Variants in DNAI7 observed in about 807,000 individuals in gnomAD.
The protein encoded by DNAI7 is dynein axonemal intermediate chain 7, also known as cancer susceptibility 1.
A neutral mutation model predicts 86.6 loss-of-function variants in DNAI7; 78 were observed. The observed-to-expected ratio is 0.90, with a 90% confidence interval of 0.75 to 1.09. The LOEUF is 1.09. Among genes scored for constraint, DNAI7 ranks in the 50% least tolerant of loss-of-function variants. The pLI, the probability that DNAI7 is intolerant of heterozygous loss-of-function variation, is 0.00. For synonymous variants in DNAI7, 274 were observed against 273.0 expected (o/e 1.00, Z -0.04); for missense variants, 753 against 810.2 (o/e 0.93, Z 0.86).
chr12:25,150,572 C>T (rs940615025), intron 6 of DNAI7, among the ~76,000 whole-genome samples: 2 of 137,498 alleles, frequency 1.5e-5, no homozygotes, highest in East Asian at 2.1e-4. Flanking sequence ...CCACTGCACT[C>T]CAGCCTGGGA....
chr12:25,190,708 G>A (rs1386263830), intron 1 of DNAI7, 77 bp from the exon 2 acceptor site: 3 of 782,306 alleles, frequency 3.8e-6, no homozygotes, highest in Non-Finnish European at 5.9e-6. Context: ...TATGTAAGAT[G>A]TTAAAATTAG....
chr12:25,119,249 T>G lies in DNAI7; in HGVS notation c.1292A>C (p.Glu431Ala). Residue 431 changes from glutamate to alanine, a missense_variant, in exon 12 of 16, where the codon GAG becomes GCG. Transcript: ENST00000395987. The part of the protein sequence containing the change: ...KYTYPPETTE[E>A]FETENAFPPI... ...TGGGAAAGCATTTTCTGTCTCAAAC[T>G]CTTCTGTAGTTTCCGGAGGATATGT... 2 of 1,612,206 alleles carry G rather than the reference T, an allele frequency of 1.2e-6. No individual in the cohort carries two copies. The highest frequency in any genetic ancestry group is 1.7e-6 in the Non-Finnish European group (2 of 1,178,524).
chr12:25,158,232 A>C (rs958021184), intron 4 of DNAI7, among the ~76,000 whole-genome samples: 1 of 145,898 alleles, frequency 6.9e-6, no homozygotes, highest in African/African-American at 2.5e-5. Context: ...CCATCTCAAG[A>C]AAAAAAAAAA....
intron 7 of DNAI7, among the ~76,000 whole-genome samples, chr12:25,147,619 G>A (rs1945040344): frequency 6.6e-6 from 1 of 152,172 alleles, no homozygotes; most frequent in Non-Finnish European, 1.5e-5. Flanking sequence ...ATTGCACCAT[G>A]CACTCTAGCC....
intron 6 of DNAI7, among the ~76,000 whole-genome samples, chr12:25,152,406 A>C (rs1945658844): frequency 6.6e-6 from 1 of 151,936 alleles, no homozygotes. Context: ...TCCATAAAAA[A>C]CTCAAACAAC....
In DNAI7 at chr12:25,144,415, C is replaced by T. The variant is rs765669743; in HGVS notation, c.952G>A (p.Glu318Lys). The change falls in exon 9 of 16, where the codon GAG (glutamate) becomes AAG (lysine). Residue 318 changes from glutamate to lysine, a missense_variant. Transcript: ENST00000395987. ...TCCTCCTCAACTTTTATTTCTTCCT[C>T]CTGAATTAAGTGAGACCCTCTTTCT... is the stretch of plus-strand genomic sequence containing the variant. ...QQERGSHLIQ[E>K]EEIKVEEEQG... The T allele has an allele frequency of 6.2e-6, 10 of 1,613,946 alleles. No individual in the cohort carries two copies. In the Admixed American group the frequency reaches 1.3e-4, roughly 22 times the overall value.
intron 9 of DNAI7, among the ~76,000 whole-genome samples, chr12:25,130,813 G>C (rs1039673287): frequency 1.7e-4 from 26 of 152,096 alleles, no homozygotes; most frequent in African/African-American, 6.3e-4. Flanking sequence ...TGGGAAGACA[G>C]TATTACCCAA....
rs1592390928 is a variant in DNAI7, at chr12:25,144,650, T to C, written c.717A>G (p.Thr239=). ...TCCTTGGAATCTCAAATCCAATTTG[T>C]GTTTCAGAGAATCTAACACTTCTGT... ...PRHRSVRFSE[T]QIGFEIPRIL... The change falls in exon 9 of 16, where the codon ACA becomes ACG. Residue 239 remains threonine, a synonymous_variant. Transcript: ENST00000395987. The C allele has an allele frequency of 3.1e-6, 5 of 1,613,798 alleles. No individual in the cohort carries two copies. The highest frequency in any genetic ancestry group is 4.2e-6 in the Non-Finnish European group (5 of 1,179,816).
intron 9 of DNAI7, among the ~76,000 whole-genome samples, chr12:25,137,281 C>T (rs1943658837): frequency 6.6e-6 from 1 of 152,134 alleles, no homozygotes; most frequent in Non-Finnish European, 1.5e-5. Flanking sequence ...TCCAGCAAAA[C>T]TAAGCTTCAT....
At chr12:25,122,028 A>C in intron 10 of DNAI7, 115 bp from the exon 11 acceptor site, 1 of 690,772 alleles carries the variant, frequency 1.4e-6, no homozygotes. Context: ...CCAGCTACTA[A>C]AACTTTTCAA....
chr12:25,149,571 T>A, intron 7 of DNAI7, 57 bp downstream of exon 7: 1 of 1,239,612 alleles, frequency 8.1e-7, no homozygotes, highest in South Asian at 1.4e-5. Context: ...GATTATTTTA[T>A]AACATAAAAT....
intron 9 of DNAI7, among the ~76,000 whole-genome samples, chr12:25,143,074 G>A (rs549905641): frequency 1.1e-3 from 164 of 152,156 alleles, no homozygotes; most frequent in African/African-American, 3.6e-3. Flanking sequence ...TTTTAAAGAA[G>A]AATAAATCAT....
intron 6 of DNAI7, among the ~76,000 whole-genome samples, chr12:25,153,460 G>A (rs1945801959): frequency 6.6e-6 from 1 of 152,072 alleles, no homozygotes; most frequent in Non-Finnish European, 1.5e-5. Context: ...AAAATTCTTA[G>A]TGGAGACATT....
intron 3 of DNAI7, among the ~76,000 whole-genome samples, chr12:25,158,936 A>G (rs532095492): frequency 2.6e-5 from 4 of 152,338 alleles, no homozygotes; most frequent in Non-Finnish European, 5.9e-5. Context: ...AAAAGTCAGG[A>G]AACAACAGGT....
At chr12:25,142,914 GTATAATCC>G (rs1944379489) in intron 9 of DNAI7, among the ~76,000 whole-genome samples, 1 of 152,094 alleles carries the variant, frequency 6.6e-6, no homozygotes. Flanking sequence ...ATGGAAAGGA[GTATAATCC>G]TTCCATATTC....
Position 25,108,781 on chromosome 12 carries a change from A to G in DNAI7, c.1936T>C (p.Trp646Arg), listed in dbSNP as rs751798583. 1.2e-5 allele frequency: 17 copies of G among 1,375,582 alleles called. No homozygotes were observed. The African/African-American group carries it at 2.2e-4, about 18-fold the overall frequency. 85.2% of individuals were successfully genotyped at this position (1,375,582 alleles called of 1,614,324 possible). The change falls in exon 16 of 16, where the codon TGG becomes CGG. Residue 646 changes from tryptophan to arginine, a missense_variant. Coordinates refer to ENST00000395987, the MANE Select transcript of DNAI7 (RefSeq NM_018272.5). ...LTEACTENPNWALLMFSGDRA... is the reference protein window; with the variant it reads ...LTEACTENPNRALLMFSGDRA... ...TCACCACTAAACATTAAAAGGGCCC[A>G]ATTAGGATTCTCAGTACATGCTTCA...
intron 2 of DNAI7, among the ~76,000 whole-genome samples, chr12:25,176,896 A>ATTT (rs1282188070): frequency 8.6e-6 from 1 of 116,670 alleles, no homozygotes; most frequent in South Asian, 2.6e-4. Flanking sequence ...CATTTTAACC[A>ATTT]TTTTCTTTTT....
At chr12:25,114,216 G>A (rs1939614399) in intron 13 of DNAI7, among the ~76,000 whole-genome samples, 1 of 152,174 alleles carries the variant, frequency 6.6e-6, no homozygotes, top group African/African-American at 2.4e-5. Context: ...TGGGATTCCA[G>A]GCGTGAGCCA....
rs149365420 is a variant in DNAI7, at chr12:25,144,403, T to C, written c.964A>G (p.Lys322Glu). ...GSHLIQEEEI[K>E]VEEEQGDIEV... ...ATATCACCTTGTTCCTCCTCAACTT[T>C]TATTTCTTCCTCCTGAATTAAGTGA... The change falls in exon 9 of 16, where the codon AAA becomes GAA. Residue 322 changes from lysine (K) to glutamate (E), a missense_variant. Coordinates refer to ENST00000395987, the MANE Select transcript of DNAI7 (RefSeq NM_018272.5). 16 of 1,613,940 alleles carry C rather than the reference T, an allele frequency of 9.9e-6. No individual in the cohort carries two copies. In the African/African-American group the frequency reaches 2.0e-4, roughly 20 times the overall value.
Sources: gnomAD v4.1 joint callset for allele counts (sites outside exome capture counted in the v4.1 genomes callset) on GRCh38, gnomAD v4.1.1 for gene constraint, MANE v1.5 for transcripts, NCBI Gene and HGNC (gene_info 2026-07-23, HGNC 2026-07-21) for gene names.